The following GSAP variants were observed in gnomAD, a reference collection of about 807,000 sequenced individuals.
GSAP encodes the protein gamma-secretase activating protein.
Under a neutral mutation model 131.7 loss-of-function variants are expected in GSAP, and 118 were observed. The observed-to-expected ratio is 0.90, with a 90% CI of 0.77 to 1.04. GSAP has a LOEUF of 1.04. Ranked by LOEUF, GSAP falls within the 50% of genes least tolerant of loss-of-function variation. GSAP has a pLI of 0.00. For synonymous variants in GSAP, 381 were observed against 363.4 expected (o/e 1.05, Z -0.55); for missense variants, 1,019 against 1,013.2 (o/e 1.01, Z -0.08).
chr7:77,334,740 C>T (rs1207237799), intron 19 of GSAP, among the ~76,000 whole-genome samples: 1 of 152,022 alleles, frequency 6.6e-6, no homozygotes, highest in African/African-American at 2.4e-5. Context: ...TCACCGGCAA[C>T]TCGAAAAGAG....
chr7:77,378,153 A>G (rs1013280158), intron 8 of GSAP, among the ~76,000 whole-genome samples: 2 of 152,184 alleles, frequency 1.3e-5, no homozygotes, highest in Non-Finnish European at 1.5e-5. Flanking sequence ...GACTGTTTCT[A>G]GCATGTAACA....
intron 1 of GSAP, 78 bp from the exon 2 acceptor site, chr7:77,406,183 C>A: frequency 1.2e-6 from 1 of 805,094 alleles, no homozygotes; most frequent in Non-Finnish European, 1.6e-6. Context: ...GTGAAGGAAG[C>A]CAAATATAAA....
At chr7:77,353,494 T>C in intron 17 of GSAP, 78 bp downstream of exon 17, 2 of 853,116 alleles carry the variant, frequency 2.3e-6, no homozygotes, top group Admixed American at 1.9e-5. Context: ...GGTTGAGGCA[T>C]TCACTATCAA....
At chr7:77,351,029 G>A in intron 18 of GSAP, 1 of 651,726 alleles carries the variant, frequency 1.5e-6, no homozygotes, top group Non-Finnish European at 1.9e-6. Flanking sequence ...ATGTAATGTA[G>A]AAATAAAAAT....
intron 19 of GSAP, among the ~76,000 whole-genome samples, chr7:77,341,548 T>C (rs1790899157): frequency 6.6e-6 from 1 of 152,332 alleles, no homozygotes; most frequent in South Asian, 2.1e-4. Flanking sequence ...TTTTTCTTTA[T>C]CCGACCTCTC....
chr7:77,353,820 G>T (rs148639917), intron 16 of GSAP, 179 bp from the exon 17 acceptor site: 2 of 478,510 alleles, frequency 4.2e-6, no homozygotes, highest in African/African-American at 2.0e-5. Flanking sequence ...TAGGTAAAAC[G>T]GTATTTTATA....
chr7:77,357,564 C>T (rs1793942658), intron 14 of GSAP, among the ~76,000 whole-genome samples: 1 of 151,562 alleles, frequency 6.6e-6, no homozygotes, highest in South Asian at 2.1e-4. Context: ...CCCTGGGCCA[C>T]ACTGGGAAGA....
At chr7:77,328,703 T>C in intron 21 of GSAP, 66 bp from the exon 22 acceptor site, 2 of 918,068 alleles carry the variant, frequency 2.2e-6, no homozygotes, top group South Asian at 1.4e-5. Context: ...AGCCACATCA[T>C]ACAAAGATAT....
intron 5 of GSAP, 43 bp from the exon 6 acceptor site, chr7:77,387,491 C>A: frequency 9.8e-7 from 1 of 1,021,492 alleles, no homozygotes. Context: ...ATTGTAATAT[C>A]ACACATTATT....
chr7:77,391,344 T>C (rs974709885), intron 5 of GSAP, among the ~76,000 whole-genome samples: 1 of 152,050 alleles, frequency 6.6e-6, no homozygotes, highest in Non-Finnish European at 1.5e-5. Flanking sequence ...ACTAGCATAA[T>C]AAGAGCCAAC....
At chr7:77,355,787 G>GTTTTTTTTTTTTTT (rs11353263) in intron 14 of GSAP, 140 bp from the exon 15 acceptor site, 28 of 294,598 alleles carry the variant, frequency 9.5e-5, no homozygotes, top group Admixed American at 1.6e-4. Flanking sequence ...ATGACAGCCC[G>GTTTTTTTTTTTTTT]TTTTTTTTTT....
intron 1 of GSAP, among the ~76,000 whole-genome samples, chr7:77,407,289 C>T (rs529096934): frequency 2.0e-5 from 3 of 152,300 alleles, no homozygotes; most frequent in East Asian, 1.9e-4. Flanking sequence ...AGTATAACTA[C>T]ATCAGCTTGG....
intron 14 of GSAP, 77 bp downstream of exon 14, chr7:77,360,747 A>G (rs1794411978): frequency 2.6e-6 from 2 of 765,386 alleles, no homozygotes; most frequent in Admixed American, 3.7e-5. Context: ...GAGAAATGGG[A>G]TAGTATAGAA....
At chr7:77,345,151 C>A (rs1791603208) in intron 19 of GSAP, among the ~76,000 whole-genome samples, 1 of 152,192 alleles carries the variant, frequency 6.6e-6, no homozygotes, top group Non-Finnish European at 1.5e-5. Flanking sequence ...TTCTCATTCT[C>A]TTATTCAAAC....
rs193205180 is a variant in GSAP at position 77,381,340 on chromosome 7, G to A, written c.541C>T (p.Arg181Cys). The A allele has an allele frequency of 1.0e-5, 16 of 1,536,896 alleles. No homozygotes were observed. In the African/African-American group the frequency reaches 1.1e-4, roughly 11 times the overall value. The change falls in exon 8 of 31, where the codon CGT (arginine) becomes TGT (cysteine). Residue 181 changes from arginine to cysteine, a missense_variant. Transcript: ENST00000257626. ...CCATCTTCTTGGGCGACATGGATAC[G>A]AAATTGTTCAATATCTTTAAAAGAA... ...ISEEKYIEQF[R>C]IHVAQEDGNR...
intron 3 of GSAP, 114 bp downstream of exon 3, chr7:77,404,445 A>G (rs1431126756): frequency 1.4e-6 from 1 of 692,796 alleles, no homozygotes; most frequent in African/African-American, 1.8e-5. Flanking sequence ...TTTTTCAAAT[A>G]AAATGTTTAC....
chr7:77,329,412 G>C (rs1462066696), intron 20 of GSAP, 21 bp from the exon 21 acceptor site: 2 of 1,477,152 alleles, frequency 1.4e-6, no homozygotes, highest in Non-Finnish European at 1.9e-6. Context: ...GAACACGTCA[G>C]AAATGTGGAA....
At chr7:77,353,079 G>T in intron 17 of GSAP, 53 bp from the exon 18 acceptor site, 1 of 985,582 alleles carries the variant, frequency 1.0e-6, no homozygotes, top group Non-Finnish European at 1.6e-6. Context: ...TTAATAAGAT[G>T]ATGACAGCAT....
chr7:77,342,538 T>C (rs569508076), intron 19 of GSAP, among the ~76,000 whole-genome samples: 60 of 150,348 alleles, frequency 4.0e-4, no homozygotes, highest in Middle Eastern at 3.4e-3. Flanking sequence ...TTTTCCCTAG[T>C]TCAAAGCCTC....
Sources: allele counts gnomAD v4.1 joint callset (sites outside exome capture counted in the v4.1 genomes callset), GRCh38; gene constraint gnomAD v4.1.1; transcripts MANE v1.5; gene names NCBI Gene and HGNC (gene_info 2026-07-23, HGNC 2026-07-21).